The following SGCZ variants were observed in gnomAD, a reference collection of about 807,000 sequenced individuals.
SGCZ encodes sarcoglycan zeta.
SGCZ carries 40 observed loss-of-function variants against 41.3 expected under a neutral mutation model. The observed-to-expected ratio is 0.97, with a 90% CI of 0.75 to 1.26. The LOEUF (loss-of-function observed/expected upper bound fraction) is 1.26, where lower values mean the gene tolerates loss of function less well. Ranked by LOEUF, SGCZ falls within the 50% of genes most tolerant of loss-of-function variation. The probability of loss-of-function intolerance (pLI) is 0.00; values close to 1 mark genes in which losing one functional copy is unlikely to be tolerated. For synonymous variants in SGCZ, 206 were observed against 137.5 expected (o/e 1.50, Z -3.49); for missense variants, 552 against 369.8 (o/e 1.49, Z -4.04).
intron 1 of SGCZ, among the ~76,000 whole-genome samples, chr8:14,593,751 G>C (rs1309236996): frequency 6.6e-6 from 1 of 152,102 alleles, no homozygotes; most frequent in African/African-American, 2.4e-5. Flanking sequence ...TTTTACATTG[G>C]ATTGAATTTT....
intron 1 of SGCZ, among the ~76,000 whole-genome samples, chr8:14,620,742 C>T (rs946661193): frequency 2.0e-5 from 3 of 152,092 alleles, no homozygotes; most frequent in South Asian, 2.1e-4. Flanking sequence ...CAATGAGATA[C>T]CATCTCACAC....
intron 1 of SGCZ, among the ~76,000 whole-genome samples, chr8:15,034,440 TA>T (rs1803796399): frequency 1.3e-5 from 2 of 151,808 alleles, no homozygotes; most frequent in Non-Finnish European, 2.9e-5. Context: ...TAACAAGGAA[TA>T]AAAAAGTCTT....
intron 2 of SGCZ, among the ~76,000 whole-genome samples, chr8:14,372,082 A>C (rs1209562419): frequency 6.6e-6 from 1 of 152,116 alleles, no homozygotes; most frequent in Admixed American, 6.6e-5. Context: ...GGAAATGGAG[A>C]AACTCTAAGG....
intron 3 of SGCZ, among the ~76,000 whole-genome samples, chr8:14,286,290 T>A (rs752095): frequency 0.21 from 32,445 of 152,076 alleles, 3,664 homozygotes; most frequent in East Asian, 0.3. Flanking sequence ...CTGGCTAAGA[T>A]CTGGTTTAAA....
intron 1 of SGCZ, among the ~76,000 whole-genome samples, chr8:14,628,524 C>A (rs1411755353): frequency 6.6e-6 from 1 of 152,024 alleles, no homozygotes; most frequent in Admixed American, 6.6e-5. Context: ...CCCAGGCCTA[C>A]CCTCAAGTCC....
chr8:14,964,878 C>T (rs2130856579), intron 1 of SGCZ, among the ~76,000 whole-genome samples: 1 of 152,134 alleles, frequency 6.6e-6, no homozygotes, highest in East Asian at 1.9e-4. Context: ...GTTATGTGGG[C>T]GCTTCTACTG....
chr8:15,231,769 A>C, intron 1 of SGCZ, among the ~76,000 whole-genome samples: 1 of 151,830 alleles, frequency 6.6e-6, no homozygotes, highest in East Asian at 1.9e-4. Context: ...GTACAGAAGC[A>C]CACCACCACA....
intron 1 of SGCZ, among the ~76,000 whole-genome samples, chr8:15,173,326 C>G (rs1799904500): frequency 6.6e-6 from 1 of 152,168 alleles, no homozygotes; most frequent in Non-Finnish European, 1.5e-5. Flanking sequence ...TTTTGAAACA[C>G]TGTACCCACT....
chr8:15,228,127 A>G (rs776643859), intron 1 of SGCZ, among the ~76,000 whole-genome samples: 8 of 152,230 alleles, frequency 5.3e-5, no homozygotes, highest in East Asian at 3.8e-4. Flanking sequence ...ATTAAGAGCT[A>G]TTAATGTTTT....
rs1801240468 is a variant in SGCZ at position 14,302,813 on chromosome 8, A to G, written c.336+21290T>C. Among the ~76,000 whole-genome samples, 3 of 152,206 alleles carry G rather than the reference A, an allele frequency of 2.0e-5. 1 individual carries two copies. The South Asian group carries it at 6.2e-4, about 31-fold the overall frequency. On this transcript the variant is annotated intron_variant, in intron 3 of 7. Coordinates refer to ENST00000382080, the MANE Select transcript of SGCZ (RefSeq NM_139167.4). The stretch of plus-strand genomic sequence containing the variant: ...TATTCTGGACAAAACTACCAGATAC[A>G]GAATTGTATCCTAAATACAATTCTG...
At chr8:14,152,171 A>C (rs1378914324) in intron 5 of SGCZ, among the ~76,000 whole-genome samples, 2 of 143,912 alleles carry the variant, frequency 1.4e-5, no homozygotes, top group African/African-American at 4.9e-5. Flanking sequence ...ATATTTGCAA[A>C]CTTATATATA....
chr8:14,129,624 A>C (rs1347185673), intron 5 of SGCZ, among the ~76,000 whole-genome samples: 3 of 152,040 alleles, frequency 2.0e-5, no homozygotes, highest in African/African-American at 7.2e-5. Flanking sequence ...AGACTTCAAC[A>C]ATCTAACTTT....
At chr8:14,188,382 G>A (rs975322180) in intron 4 of SGCZ, among the ~76,000 whole-genome samples, 3 of 152,184 alleles carry the variant, frequency 2.0e-5, no homozygotes, top group Admixed American at 1.3e-4. Context: ...GAATGGAGCA[G>A]TGATACGTAC....
At chr8:15,123,347 C>T (rs1239687981) in intron 1 of SGCZ, among the ~76,000 whole-genome samples, 2 of 152,062 alleles carry the variant, frequency 1.3e-5, no homozygotes, top group Non-Finnish European at 2.9e-5. Context: ...CCTTCTTTCC[C>T]CAACTATATT....
intron 1 of SGCZ, among the ~76,000 whole-genome samples, chr8:14,559,751 A>G (rs985947478): frequency 6.6e-6 from 1 of 152,150 alleles, no homozygotes; most frequent in African/African-American, 2.4e-5. Context: ...CTATTAAAAT[A>G]TCATAATTTT....
At chr8:14,173,400 G>C (rs921726559) in intron 4 of SGCZ, among the ~76,000 whole-genome samples, 1 of 151,934 alleles carries the variant, frequency 6.6e-6, no homozygotes, top group Non-Finnish European at 1.5e-5. Flanking sequence ...CAAAGAAATT[G>C]ATTTTAAATG....
intron 1 of SGCZ, among the ~76,000 whole-genome samples, chr8:14,808,462 G>C (rs1289657288): frequency 6.6e-6 from 1 of 152,140 alleles, no homozygotes; most frequent in East Asian, 1.9e-4. Context: ...CATTTATGCA[G>C]CCAAAAAACA....
intron 1 of SGCZ, among the ~76,000 whole-genome samples, chr8:15,147,442 C>T: frequency 6.6e-6 from 1 of 152,130 alleles, no homozygotes; most frequent in East Asian, 1.9e-4. Flanking sequence ...CCATGCCCGG[C>T]TAATTTTGTA....
chr8:14,174,210 C>T (rs1804475116), intron 4 of SGCZ, among the ~76,000 whole-genome samples: 1 of 152,016 alleles, frequency 6.6e-6, no homozygotes, highest in South Asian at 2.1e-4. Context: ...AACACTTTAC[C>T]TGTTTTAAAG....
Sources: allele counts gnomAD v4.1 joint callset (sites outside exome capture counted in the v4.1 genomes callset), GRCh38; gene constraint gnomAD v4.1.1; transcripts MANE v1.5; gene names NCBI Gene and HGNC (gene_info 2026-07-23, HGNC 2026-07-21).